The following ADAM12 variants were observed in gnomAD, a reference collection of about 807,000 sequenced individuals.
ADAM12 encodes the protein disintegrin and metalloproteinase domain-containing protein 12.
Under a neutral mutation model 106.4 loss-of-function variants are expected in ADAM12, and 70 were observed. The observed-to-expected ratio is 0.66, with a 90% CI of 0.54 to 0.80. The LOEUF is 0.80. ADAM12 is among the 30% of genes least tolerant of loss of function. ADAM12 has a pLI of 0.00. For synonymous variants in ADAM12, 420 were observed against 433.5 expected (o/e 0.97, Z 0.39); for missense variants, 1,010 against 1,171.9 (o/e 0.86, Z 2.02).
At chr10:126,230,007 A>C (rs376712576) in intron 3 of ADAM12, among the ~76,000 whole-genome samples, 7 of 152,058 alleles carry the variant, frequency 4.6e-5, no homozygotes, top group African/African-American at 1.7e-4. Flanking sequence ...GGCTTGGCCA[A>C]TTCCTACCTG....
At position 126,231,497 on chromosome 10, in the gene ADAM12, G is replaced by A. The variant is rs146052365; in HGVS notation, c.260+47418C>T. ...CACCCTCCCTAATTCTAGCTACTGC[G>A]CCATCTATAGCAACTCCCTCCCATG... On this transcript the variant is annotated intron_variant, in intron 3 of 22. Transcript: ENST00000448723. Among the ~76,000 whole-genome samples, 1,258 of 152,038 alleles carry A rather than the reference G, an allele frequency of 8.3e-3. 10 individuals are homozygous for A. The highest frequency in any genetic ancestry group is 0.014 in the Middle Eastern group (4 of 294).
intron 3 of ADAM12, among the ~76,000 whole-genome samples, chr10:126,241,984 T>C (rs1958534853): frequency 6.6e-6 from 1 of 150,528 alleles, no homozygotes; most frequent in Non-Finnish European, 1.5e-5. Context: ...TTTTAACACA[T>C]CAAATAATCA....
chr10:126,364,594 G>C (rs1023220532), intron 1 of ADAM12, among the ~76,000 whole-genome samples: 31 of 152,220 alleles, frequency 2.0e-4, no homozygotes, highest in African/African-American at 6.5e-4. Context: ...CACCTAAAAA[G>C]TGCTTTGTAA....
At chr10:126,158,920 G>A (rs1956881324) in intron 3 of ADAM12, among the ~76,000 whole-genome samples, 1 of 151,456 alleles carries the variant, frequency 6.6e-6, no homozygotes, top group Non-Finnish European at 1.5e-5. Flanking sequence ...CACAGAGCAT[G>A]GAGGGGGGAT....
chr10:126,318,833 A>G (rs1853989892), intron 2 of ADAM12, among the ~76,000 whole-genome samples: 1 of 152,224 alleles, frequency 6.6e-6, no homozygotes, highest in Non-Finnish European at 1.5e-5. Context: ...ACAGTTCCAC[A>G]TGGCTGGGGA....
chr10:126,330,390 T>C (rs1419572881), intron 2 of ADAM12, 22 bp downstream of exon 2: 4 of 1,593,978 alleles, frequency 2.5e-6, no homozygotes, highest in Non-Finnish European at 3.4e-6. Flanking sequence ...GTCTCAAAGC[T>C]GAGAAAAGGA....
At chr10:126,329,591 A>G (rs1436402503) in intron 2 of ADAM12, among the ~76,000 whole-genome samples, 1 of 152,182 alleles carries the variant, frequency 6.6e-6, no homozygotes, top group Non-Finnish European at 1.5e-5. Flanking sequence ...TAATCAAACC[A>G]CCAACCTTTC....
At chr10:126,171,143 A>G (rs1957112784) in intron 3 of ADAM12, among the ~76,000 whole-genome samples, 2 of 152,226 alleles carry the variant, frequency 1.3e-5, no homozygotes, top group South Asian at 4.1e-4. Flanking sequence ...AGGTTACAAA[A>G]GAGTTTGGCT....
chr10:126,159,109 A>G (rs1465182453), intron 3 of ADAM12, among the ~76,000 whole-genome samples: 2 of 152,146 alleles, frequency 1.3e-5, no homozygotes, highest in Non-Finnish European at 1.5e-5. Flanking sequence ...GGAGATCGAG[A>G]CCATTCTGGC....
At chr10:126,268,243 G>A (rs560667753) in intron 3 of ADAM12, among the ~76,000 whole-genome samples, 3 of 152,330 alleles carry the variant, frequency 2.0e-5, no homozygotes, top group Non-Finnish European at 2.9e-5. Flanking sequence ...TTGTCCTTTA[G>A]TGTCTGAGTC....
intron 10 of ADAM12, among the ~76,000 whole-genome samples, chr10:126,097,180 A>T (rs1048890499): frequency 1.3e-5 from 2 of 152,238 alleles, no homozygotes; most frequent in Non-Finnish European, 2.9e-5. Context: ...ACAGAAAATT[A>T]TTCCCTCTTA....
intron 4 of ADAM12, among the ~76,000 whole-genome samples, chr10:126,144,262 G>C (rs1956583063): frequency 6.6e-6 from 1 of 152,206 alleles, no homozygotes; most frequent in South Asian, 2.1e-4. Context: ...TCTTCGGGTT[G>C]AGTCTCTCAG....
chr10:126,033,047 A>C (rs1590310389), intron 21 of ADAM12, among the ~76,000 whole-genome samples: 1 of 152,166 alleles, frequency 6.6e-6, no homozygotes, highest in African/African-American at 2.4e-5. Flanking sequence ...GAAAACCTCT[A>C]CCTCTCAAAC....
At chr10:126,344,480 G>A (rs1475712276) in intron 1 of ADAM12, among the ~76,000 whole-genome samples, 1 of 152,026 alleles carries the variant, frequency 6.6e-6, no homozygotes, top group Non-Finnish European at 1.5e-5. Flanking sequence ...TTGTTCTTTT[G>A]GCTTAGGATT....
chr10:126,169,644 T>G (rs1037319333), intron 3 of ADAM12, among the ~76,000 whole-genome samples: 1 of 152,170 alleles, frequency 6.6e-6, no homozygotes, highest in Admixed American at 6.5e-5. Context: ...AAACACTGAC[T>G]GGTAAAAGAC....
At chr10:126,211,564 AG>A (rs1468255819) in intron 3 of ADAM12, among the ~76,000 whole-genome samples, 3 of 152,094 alleles carry the variant, frequency 2.0e-5, no homozygotes, top group African/African-American at 7.2e-5. Flanking sequence ...ACCCGCTAGT[AG>A]TCATCTCTGC....
chr10:126,105,588 C>T (rs1955750401), intron 8 of ADAM12, among the ~76,000 whole-genome samples: 1 of 152,202 alleles, frequency 6.6e-6, no homozygotes. Context: ...TGTGCCTAGG[C>T]CCTGTGCCAG....
chr10:126,017,884 AT>A (rs1953689331), intron 22 of ADAM12, among the ~76,000 whole-genome samples: 1 of 152,210 alleles, frequency 6.6e-6, no homozygotes, highest in South Asian at 2.1e-4. Flanking sequence ...CAGAGGTAAG[AT>A]TGGCCACAGC....
chr10:126,162,252 A>G (rs773197225), intron 3 of ADAM12, among the ~76,000 whole-genome samples: 2 of 152,168 alleles, frequency 1.3e-5, no homozygotes, highest in Non-Finnish European at 2.9e-5. Context: ...GAGCCGGGAA[A>G]GATGGGGAAG....
Sources: gnomAD v4.1 joint callset for allele counts (sites outside exome capture counted in the v4.1 genomes callset) on GRCh38, gnomAD v4.1.1 for gene constraint, MANE v1.5 for transcripts, NCBI Gene and HGNC (gene_info 2026-07-23, HGNC 2026-07-21) for gene names.